SLC5A4: variants seen among roughly 807,000 people sequenced by gnomAD.
The protein encoded by SLC5A4 is solute carrier family 5 member 4, also known as probable glucose sensor protein SLC5A4.
Under a neutral mutation model 70.3 loss-of-function variants are expected in SLC5A4, and 55 were observed. The observed-to-expected ratio is 0.78, with a 90% CI of 0.63 to 0.98. SLC5A4 has a LOEUF of 0.98. SLC5A4 is among the 50% of genes least tolerant of loss of function. SLC5A4 has a pLI of 0.00. For missense variants in SLC5A4, 735 were observed against 839.2 expected (o/e 0.88, Z 1.53); for synonymous variants, 268 against 305.7 (o/e 0.88, Z 1.29).
chr22:32,314,376 G>GGC, the SLC5A4 span, among the ~76,000 whole-genome samples: 3 of 152,110 alleles, frequency 2.0e-5, no homozygotes, highest in Non-Finnish European at 4.4e-5. Flanking sequence ...GCATTGCCAG[G>GGC]GCCTAGGACA....
chr22:32,272,303 G>T, the SLC5A4 span: 1 of 819,994 alleles, frequency 1.2e-6, no homozygotes, highest in Non-Finnish European at 2.2e-6. Context: ...AGAAGGAGCA[G>T]AAGGGGCCCG....
At chr22:32,225,955 C>A in intron 11 of SLC5A4, 132 bp from the exon 12 acceptor site, 1 of 608,514 alleles carries the variant, frequency 1.6e-6, no homozygotes. Context: ...CTTGATCATA[C>A]ATAAACCCAT....
chr22:32,292,335 G>A, the SLC5A4 span, among the ~76,000 whole-genome samples: 1 of 139,326 alleles, frequency 7.2e-6, no homozygotes, highest in Admixed American at 7.9e-5. Context: ...TATGGTATAT[G>A]GAACTATAGG....
At chr22:32,324,247 GTATATATACACACATATATGTATA>G in the SLC5A4 span, among the ~76,000 whole-genome samples, 145 of 136,542 alleles carry the variant, frequency 1.1e-3, no homozygotes, top group South Asian at 2.3e-3. Context: ...ATATGTATGT[GTATATATACACACATATATGTATA>G]TATATATACA....
the SLC5A4 span, among the ~76,000 whole-genome samples, chr22:32,326,696 G>A: frequency 4.6e-5 from 7 of 152,194 alleles, no homozygotes; most frequent in South Asian, 2.1e-4. Context: ...CCCAAGGAAC[G>A]CTACCTCAAT....
At chr22:32,335,102 G>A in the SLC5A4 span, among the ~76,000 whole-genome samples, 1 of 152,170 alleles carries the variant, frequency 6.6e-6, no homozygotes, top group Admixed American at 6.5e-5. Context: ...GCCAGCCTAG[G>A]GTAGGTGGTC....
the SLC5A4 span, among the ~76,000 whole-genome samples, chr22:32,341,710 G>T: frequency 6.6e-6 from 1 of 152,214 alleles, no homozygotes; most frequent in Non-Finnish European, 1.5e-5. Flanking sequence ...GGCCCCTTAT[G>T]TTCTGCCCCT....
the SLC5A4 span, among the ~76,000 whole-genome samples, chr22:32,342,817 G>C: frequency 6.6e-6 from 1 of 152,190 alleles, no homozygotes; most frequent in African/African-American, 2.4e-5. Flanking sequence ...CAAAATTAGA[G>C]TCAAAAAATA....
chr22:32,311,671 G>T, the SLC5A4 span, among the ~76,000 whole-genome samples: 17 of 152,144 alleles, frequency 1.1e-4, no homozygotes, highest in Non-Finnish European at 2.2e-4. Flanking sequence ...CAGATGGGAG[G>T]CTCCCCAGGG....
chr22:32,295,502 A>G, the SLC5A4 span, among the ~76,000 whole-genome samples: 6 of 108,952 alleles, frequency 5.5e-5, 1 homozygote, highest in African/African-American at 1.3e-4. Context: ...CCACTTTTTG[A>G]TGGGGTTTTT....
chr22:32,291,885 T>C, the SLC5A4 span, among the ~76,000 whole-genome samples: 1 of 144,348 alleles, frequency 6.9e-6, no homozygotes, highest in Non-Finnish European at 1.5e-5. Context: ...TATCTTTTTT[T>C]TTTTGGAGAT....
chr22:32,306,184 G>C, the SLC5A4 span, among the ~76,000 whole-genome samples: 2 of 152,182 alleles, frequency 1.3e-5, no homozygotes, highest in Admixed American at 6.5e-5. Context: ...ACTGTATATA[G>C]GCCGGGCGCG....
chr22:32,250,095 A>G (rs1927055310), intron 3 of SLC5A4, among the ~76,000 whole-genome samples: 1 of 152,214 alleles, frequency 6.6e-6, no homozygotes, highest in South Asian at 2.1e-4. Context: ...TCAAGTGAAC[A>G]TAGGGATTGA....
chr22:32,288,672 G>A, the SLC5A4 span, among the ~76,000 whole-genome samples: 4 of 151,782 alleles, frequency 2.6e-5, no homozygotes, highest in East Asian at 1.9e-4. Context: ...TCAGCCACCC[G>A]AGTAGCTGGG....
intron 3 of SLC5A4, among the ~76,000 whole-genome samples, chr22:32,250,472 C>T (rs1427448460): frequency 6.6e-6 from 1 of 152,140 alleles, no homozygotes; most frequent in Non-Finnish European, 1.5e-5. Flanking sequence ...GATCCTGCTA[C>T]TGCACTCCAG....
the SLC5A4 span, among the ~76,000 whole-genome samples, chr22:32,328,096 AAACACACACACAC>A: frequency 9.2e-6 from 1 of 109,142 alleles, no homozygotes; most frequent in African/African-American, 3.0e-5. Flanking sequence ...CCCAACACAC[AAACACACACACAC>A]CAGAGCCCCC....
intron 13 of SLC5A4, among the ~76,000 whole-genome samples, chr22:32,222,941 G>A (rs1925169231): frequency 1.3e-5 from 2 of 152,100 alleles, no homozygotes; most frequent in Admixed American, 1.3e-4. Context: ...CACTCCCTGA[G>A]ATGCCTCTTG....
At chr22:32,245,162 C>T (rs1926746043) in intron 5 of SLC5A4, among the ~76,000 whole-genome samples, 1 of 152,172 alleles carries the variant, frequency 6.6e-6, no homozygotes, top group Non-Finnish European at 1.5e-5. Context: ...CCTGTCCTAA[C>T]GTCTCATAAC....
At chr22:32,292,380 T>C in the SLC5A4 span, among the ~76,000 whole-genome samples, 1 of 147,058 alleles carries the variant, frequency 6.8e-6, no homozygotes, top group East Asian at 1.9e-4. Flanking sequence ...TTTTCTAATA[T>C]GTACATACTA....
Sources: allele counts gnomAD v4.1 joint callset (sites outside exome capture counted in the v4.1 genomes callset), GRCh38; gene constraint gnomAD v4.1.1; transcripts MANE v1.5; gene names NCBI Gene and HGNC (gene_info 2026-07-23, HGNC 2026-07-21).